Variants in TENM4 observed in about 807,000 individuals in gnomAD.
The protein encoded by TENM4 is teneurin-4.
TENM4 carries 82 observed loss-of-function variants against 243.3 expected under a neutral mutation model. That is an observed-to-expected ratio of 0.34 (90% CI 0.28 to 0.40). The LOEUF (loss-of-function observed/expected upper bound fraction) is 0.40, where lower values mean the gene tolerates loss of function less well. Ranked by LOEUF, TENM4 falls within the 10% of genes least tolerant of loss-of-function variation. The pLI, the probability that TENM4 is intolerant of heterozygous loss-of-function variation, is 1.00. For synonymous variants in TENM4, 1,412 were observed against 1,456.3 expected (o/e 0.97, Z 0.69); for missense variants, 3,138 against 3,673.3 (o/e 0.85, Z 3.77).
intron 3 of TENM4, among the ~76,000 whole-genome samples, chr11:79,170,061 T>A (rs1447474774): frequency 1.3e-5 from 2 of 152,140 alleles, no homozygotes; most frequent in Non-Finnish European, 2.9e-5. Context: ...TCCCATGAGC[T>A]CTTTCCTGTC....
intron 3 of TENM4, among the ~76,000 whole-genome samples, chr11:79,185,760 G>A (rs988709200): frequency 6.6e-6 from 1 of 152,146 alleles, no homozygotes; most frequent in Admixed American, 6.5e-5. Context: ...CTTAGAAAAA[G>A]TACATTGGCC....
intron 1 of TENM4, among the ~76,000 whole-genome samples, chr11:79,328,916 C>T (rs960463561): frequency 4.2e-4 from 64 of 152,262 alleles, no homozygotes; most frequent in African/African-American, 1.2e-3. Context: ...TAGCCCAAGG[C>T]TGGGCTGACT....
intron 4 of TENM4, among the ~76,000 whole-genome samples, chr11:79,130,918 A>T (rs780929118): frequency 3.3e-5 from 5 of 152,198 alleles, no homozygotes; most frequent in Non-Finnish European, 7.3e-5. Flanking sequence ...TTGAACAAGT[A>T]GAAGAAAGAA....
chr11:78,665,108 T>G (rs563365439), intron 32 of TENM4, among the ~76,000 whole-genome samples: 1 of 152,300 alleles, frequency 6.6e-6, no homozygotes, highest in East Asian at 1.9e-4. Context: ...AGGGGAGTGA[T>G]GAAATGTAGG....
intron 6 of TENM4, among the ~76,000 whole-genome samples, chr11:78,957,596 A>C (rs1326426022): frequency 6.6e-6 from 1 of 152,214 alleles, no homozygotes; most frequent in Non-Finnish European, 1.5e-5. Flanking sequence ...ATTGGTAGTC[A>C]AAACAAAATA....
chr11:79,401,646 A>G (rs1040686755), intron 1 of TENM4, among the ~76,000 whole-genome samples: 2 of 152,360 alleles, frequency 1.3e-5, no homozygotes, highest in East Asian at 3.9e-4. Flanking sequence ...ACTTAACATC[A>G]ATGAGTTCAT....
chr11:79,243,716 A>G (rs182903393), intron 2 of TENM4, among the ~76,000 whole-genome samples: 24 of 152,278 alleles, frequency 1.6e-4, no homozygotes, highest in African/African-American at 4.3e-4. Flanking sequence ...TGTGGGAGGC[A>G]TTTTCCTAAA....
intron 6 of TENM4, among the ~76,000 whole-genome samples, chr11:79,033,860 A>G (rs553299943): frequency 3.0e-4 from 45 of 152,360 alleles, no homozygotes; most frequent in Non-Finnish European, 6.2e-4. Flanking sequence ...CAAATAAACT[A>G]CATTTTGCTA....
intron 1 of TENM4, among the ~76,000 whole-genome samples, chr11:79,376,735 C>G (rs575175736): frequency 4.5e-4 from 69 of 152,332 alleles, no homozygotes; most frequent in African/African-American, 1.6e-3. Flanking sequence ...GGCACCACTG[C>G]TAACTGCCTA....
At chr11:78,707,625 G>A (rs921812996) in intron 27 of TENM4, among the ~76,000 whole-genome samples, 12 of 152,174 alleles carry the variant, frequency 7.9e-5, no homozygotes, top group Non-Finnish European at 1.5e-4. Context: ...TGTGTGAAAT[G>A]TCTCCTTTTC....
intron 32 of TENM4, among the ~76,000 whole-genome samples, chr11:78,663,352 T>G (rs760936155): frequency 1.3e-5 from 2 of 152,210 alleles, no homozygotes; most frequent in African/African-American, 2.4e-5. Context: ...GTTTGAATAT[T>G]TGTCCCCTCC....
At chr11:79,419,913 G>A (rs141192379) in intron 1 of TENM4, among the ~76,000 whole-genome samples, 2 of 152,240 alleles carry the variant, frequency 1.3e-5, no homozygotes, top group East Asian at 3.9e-4. Flanking sequence ...GGTGCGGGGA[G>A]GGAGTTTGAG....
chr11:79,131,318 A>G (rs1184824682), intron 4 of TENM4, among the ~76,000 whole-genome samples: 1 of 152,246 alleles, frequency 6.6e-6, no homozygotes, highest in Non-Finnish European at 1.5e-5. Context: ...CTATCAGAGT[A>G]ACAGGAGATT....
chr11:79,108,546 A>G (rs187919157), intron 4 of TENM4, among the ~76,000 whole-genome samples: 70 of 152,288 alleles, frequency 4.6e-4, no homozygotes, highest in Middle Eastern at 6.8e-3. Flanking sequence ...GTAGGTATAC[A>G]TAATATTCCA....
intron 12 of TENM4, among the ~76,000 whole-genome samples, chr11:78,845,124 G>A (rs895864908): frequency 5.3e-5 from 8 of 152,102 alleles, no homozygotes; most frequent in Non-Finnish European, 1.2e-4. Context: ...CCCTTTGTTG[G>A]CCCAGGCCAC....
At chr11:78,987,044 A>C (rs1459231591) in intron 6 of TENM4, among the ~76,000 whole-genome samples, 1 of 152,230 alleles carries the variant, frequency 6.6e-6, no homozygotes, top group African/African-American at 2.4e-5. Context: ...AAGGCTTAAT[A>C]CATTTTAGGT....
intron 2 of TENM4, among the ~76,000 whole-genome samples, chr11:79,252,464 C>A (rs865977149): frequency 1.3e-5 from 2 of 152,178 alleles, no homozygotes; most frequent in Non-Finnish European, 1.5e-5. Context: ...GCCTCGAACT[C>A]CTGACCTCGT....
At chr11:78,658,928 C>A (rs769827426) in intron 33 of TENM4, 112 bp from the exon 34 acceptor site, 164 of 1,242,322 alleles carry the variant, frequency 1.3e-4, no homozygotes, top group Non-Finnish European at 1.7e-4. Context: ...TATTAACCTG[C>A]GGCATGTAGC....
intron 6 of TENM4, among the ~76,000 whole-genome samples, chr11:78,952,330 G>C (rs1028540417): frequency 1.3e-5 from 2 of 152,240 alleles, no homozygotes; most frequent in East Asian, 1.9e-4. Context: ...TAAACTCGAG[G>C]AAGGATAGGG....
Sources: gnomAD v4.1 joint callset for allele counts (sites outside exome capture counted in the v4.1 genomes callset) on GRCh38, gnomAD v4.1.1 for gene constraint, MANE v1.5 for transcripts, NCBI Gene and HGNC (gene_info 2026-07-23, HGNC 2026-07-21) for gene names.